The following MAP6 variants were observed in gnomAD, a reference collection of about 807,000 sequenced individuals.
MAP6 encodes microtubule-associated protein 6.
A neutral mutation model predicts 42.4 loss-of-function variants in MAP6; 26 were observed. That is an observed-to-expected ratio of 0.61 (90% CI 0.45 to 0.85). MAP6 has a LOEUF of 0.85. Ranked by LOEUF, MAP6 falls within the 40% of genes least tolerant of loss-of-function variation. MAP6 has a pLI of 0.00. For synonymous variants in MAP6, 418 were observed against 443.8 expected (o/e 0.94, Z 0.73); for missense variants, 966 against 1,099.0 (o/e 0.88, Z 1.71).
chr11:75,602,156 C>A (rs1176427743), intron 3 of MAP6, among the ~76,000 whole-genome samples: 1 of 152,148 alleles, frequency 6.6e-6, no homozygotes, highest in Non-Finnish European at 1.5e-5. Context: ...GGTTCCCACC[C>A]AGCCCCCCAG....
At chr11:75,630,832 A>G (rs1046725279) in intron 1 of MAP6, among the ~76,000 whole-genome samples, 3 of 152,254 alleles carry the variant, frequency 2.0e-5, no homozygotes, top group African/African-American at 7.2e-5. Context: ...TGTTAATAAC[A>G]AGGACTTATT....
In MAP6 at chr11:75,587,936, A is replaced by C; in HGVS notation, c.1565T>G (p.Ile522Ser). The change falls in exon 4 of 4, where the codon ATC becomes AGC. Residue 522 changes from isoleucine to serine, a missense_variant. Ile to Ser is a moderately radical substitution (Grantham distance 142). Around this residue, in one of 2 missense-constraint regions of MAP6, gnomAD observed 943 missense variants for 1,049.9 expected, o/e 0.90. Transcript: ENST00000304771. Reference protein sequence around the residue: ...PEPLKNESPVISAPVKDQGPS... With the variant: ...PEPLKNESPVSSAPVKDQGPS... ...ACCTTGGTCCTTGACTGGTGCTGAGATAACAGGGCTTTCATTCTTTAAAGG... is the reference window on the plus strand; with the variant it reads ...ACCTTGGTCCTTGACTGGTGCTGAGCTAACAGGGCTTTCATTCTTTAAAGG... 1.2e-6 allele frequency: 2 copies of C among 1,614,140 alleles called. No homozygotes were observed. The highest frequency in any genetic ancestry group is 1.7e-6 in the Non-Finnish European group (2 of 1,180,024).
intron 3 of MAP6, chr11:75,603,950 A>G (rs1942712060): frequency 2.0e-6 from 2 of 985,654 alleles, no homozygotes; most frequent in African/African-American, 3.5e-5. Context: ...GGATACAATT[A>G]AGATCATGTT....
At chr11:75,600,308 C>T (rs963310804) in intron 3 of MAP6, among the ~76,000 whole-genome samples, 1 of 152,166 alleles carries the variant, frequency 6.6e-6, no homozygotes. Context: ...CAGCGTTGCA[C>T]GGCAGCACTG....
intron 2 of MAP6, 71 bp downstream of exon 2, chr11:75,608,037 AC>A: frequency 6.8e-7 from 1 of 1,463,732 alleles, no homozygotes; most frequent in Non-Finnish European, 9.5e-7. Context: ...ACAGCAGCCC[AC>A]CCCATGCTCT....
At position 75,667,134 on chromosome 11, in the gene MAP6, G is replaced by A. The variant is rs116469513; in HGVS notation, c.905+331C>T. Among the ~76,000 whole-genome samples the A allele has an allele frequency of 6.3e-3, 965 of 152,214 alleles. 14 individuals carry two copies. Among genetic ancestry groups the A allele is most frequent in the African/African-American group, 0.022 (925 of 41,544 alleles). On this transcript the variant is annotated intron_variant, in intron 1 of 3. Transcript: ENST00000304771. This position sits in a 1 kb window ranked among gnomAD's most constrained non-coding sequence, Gnocchi z 5.6. ...AACGCAGCAGGTGAGTTGGATGGGG[G>A]CACGACGGAAGCACAGCCTCTGCTG...
chr11:75,660,689 C>G (rs1173715991), intron 1 of MAP6, among the ~76,000 whole-genome samples: 1 of 152,158 alleles, frequency 6.6e-6, no homozygotes, highest in Non-Finnish European at 1.5e-5. Context: ...CCAGGTCAGC[C>G]AGCCAGTGGG....
chr11:75,645,209 G>C (rs1046399364), intron 1 of MAP6, among the ~76,000 whole-genome samples: 1 of 152,156 alleles, frequency 6.6e-6, no homozygotes, highest in Non-Finnish European at 1.5e-5. Flanking sequence ...AAGGAGAAGA[G>C]ACCTGGCCCT....
In MAP6 at chr11:75,587,011, G is replaced by C; in HGVS notation, c.*48C>G. 1 of 1,509,088 alleles carries C rather than the reference G, an allele frequency of 6.6e-7. No individual in the cohort carries two copies. The highest frequency in any genetic ancestry group is 8.9e-7 in the Non-Finnish European group (1 of 1,124,192). The allele number at this position is 1,509,088 out of a possible 1,614,324, so 93.5% of individuals were successfully genotyped here. A position where few individuals can be genotyped will look rare whatever the true frequency, so the allele number is the denominator to read the frequency against. Reference sequence around the variant, plus strand: ...TGTGTCTTCACTGCCCCTGGGAGGGGAGCACTCTCACTGTCAGCTCCTTCA... The same window carrying C: ...TGTGTCTTCACTGCCCCTGGGAGGGCAGCACTCTCACTGTCAGCTCCTTCA... On this transcript the variant is annotated 3_prime_UTR_variant, in exon 4 of 4. Transcript: ENST00000304771.
intron 1 of MAP6, among the ~76,000 whole-genome samples, chr11:75,666,351 T>A (rs1943945694): frequency 6.6e-6 from 1 of 151,948 alleles, no homozygotes. Flanking sequence ...CAGACTGGAA[T>A]GGCTGAAGCT....
intron 3 of MAP6, chr11:75,605,459 G>A: frequency 9.6e-7 from 1 of 1,040,738 alleles, no homozygotes; most frequent in Non-Finnish European, 1.2e-6. Flanking sequence ...GGGAGGAGGA[G>A]ACCCCACAGA....
At chr11:75,588,223 C>A in intron 3 of MAP6, 39 bp from the exon 4 acceptor site, 1 of 1,576,020 alleles carries the variant, frequency 6.3e-7, no homozygotes. Flanking sequence ...GAGAGTAGAG[C>A]TCAGGCAGGG....
rs537530022 is a variant in MAP6, at chr11:75,607,568, G to T, written c.1119+541C>A. ...TGGGAACATATATTATAGCTGATGTGACAGGTGTGTTGTGACAGACCGAGA... is the reference window on the plus strand; with the variant it reads ...TGGGAACATATATTATAGCTGATGTTACAGGTGTGTTGTGACAGACCGAGA... On this transcript the variant is annotated intron_variant, in intron 2 of 3. Transcript: ENST00000304771. 80 of 985,490 alleles carry T rather than the reference G, an allele frequency of 8.1e-5. 1 individual carries two copies. In the South Asian group the frequency reaches 3.4e-3, roughly 42 times the overall value. 61.0% of individuals were successfully genotyped at this position (985,490 alleles called of 1,614,324 possible). A position where few individuals can be genotyped will look rare whatever the true frequency, so the allele number is the denominator to read the frequency against.
At chr11:75,651,121 GATATGACTTCATAGTCATATCCCC>G (rs1943639390) in intron 1 of MAP6, among the ~76,000 whole-genome samples, 1 of 152,118 alleles carries the variant, frequency 6.6e-6, no homozygotes, top group Non-Finnish European at 1.5e-5. Context: ...CCAATCTGGG[GATATGACTTCATAGTCATATCCCC>G]AGAGCCTAGC....
At chr11:75,604,086 AT>A (rs1942714773) in intron 3 of MAP6, 1 of 985,748 alleles carries the variant, frequency 1.0e-6, no homozygotes, top group African/African-American at 1.7e-5. Context: ...ACCCACCAGC[AT>A]TTTCTACCTT....
rs1270436842 is a variant in MAP6, at chr11:75,606,000, T to C, written c.1124A>G (p.Glu375Gly). The C allele has an allele frequency of 6.2e-7, 1 of 1,613,598 alleles. No individual in the cohort carries two copies. The highest frequency in any genetic ancestry group is 8.5e-7 in the Non-Finnish European group (1 of 1,180,002). The change falls in exon 3 of 4, where the codon GAA becomes GGA. Residue 375 changes from glutamate (E) to glycine (G), a missense_variant. Glu to Gly is a moderately conservative substitution (Grantham distance 98). This residue lies in a region of MAP6 where 943 missense variants were observed against 1,049.9 expected (regional missense o/e 0.90). Coordinates refer to ENST00000304771, the MANE Select transcript of MAP6 (RefSeq NM_033063.2). ...TTTGGAACTCTGAACACTAGGTTTT[T>C]CCACCTGTACGGAGAGACAGACCGC... ...SEPFKEPPKV[E>G]KPSVQSSKPK...
chr11:75,660,466 T>C (rs1196581715), intron 1 of MAP6, among the ~76,000 whole-genome samples: 3 of 152,200 alleles, frequency 2.0e-5, no homozygotes, highest in African/African-American at 7.2e-5. Flanking sequence ...CCTGTTCCAG[T>C]GACTAGCATC....
intron 1 of MAP6, among the ~76,000 whole-genome samples, chr11:75,654,809 GA>G (rs1454471681): frequency 2.6e-5 from 4 of 152,066 alleles, no homozygotes; most frequent in African/African-American, 9.7e-5. Flanking sequence ...CCATTTTATT[GA>G]TGAGAAAAAT....
At chr11:75,649,255 G>A (rs921405604) in intron 1 of MAP6, among the ~76,000 whole-genome samples, 15 of 152,162 alleles carry the variant, frequency 9.9e-5, no homozygotes, top group African/African-American at 3.6e-4. Flanking sequence ...GTGTGTGTTT[G>A]CATTTTCTCA....
Sources: allele counts gnomAD v4.1 joint callset (sites outside exome capture counted in the v4.1 genomes callset), GRCh38; gene constraint gnomAD v4.1.1; regional missense constraint gnomAD v4.1.1; non-coding constraint Gnocchi (gnomAD v3.1); transcripts MANE v1.5; gene names NCBI Gene and HGNC (gene_info 2026-07-23, HGNC 2026-07-21).